The following LGALS3 variants were observed in gnomAD, a reference collection of about 807,000 sequenced individuals.
LGALS3 encodes galectin 3, also known as galectin-3.
In LGALS3, 18 loss-of-function variants were observed where a neutral mutation model predicts 20.7. The ratio of observed to expected loss-of-function variants is 0.87; its 90% CI spans 0.60 to 1.29. LGALS3 has a LOEUF of 1.29. Ranked by LOEUF, LGALS3 falls within the 50% of genes most tolerant of loss-of-function variation. LGALS3 has a pLI of 0.00. For synonymous variants in LGALS3, 112 were observed against 119.6 expected (o/e 0.94, Z 0.42); for missense variants, 315 against 314.7 (o/e 1.00, Z -0.01).
chr14:55,131,157 G>C (rs7157768), intron 1 of LGALS3, among the ~76,000 whole-genome samples: 10,067 of 152,170 alleles, frequency 0.066, 875 homozygotes, highest in African/African-American at 0.19. Flanking sequence ...TGAATATTTA[G>C]CACTTAGAAG....
intron 4 of LGALS3, among the ~76,000 whole-genome samples, chr14:55,141,922 G>A (rs1566783186): frequency 6.6e-6 from 1 of 152,256 alleles, no homozygotes; most frequent in African/African-American, 2.4e-5. Flanking sequence ...GTTAGTCAAA[G>A]AGGACTTGTG....
rs898159066 is a variant in LGALS3 at position 55,138,350 on chromosome 14, C to T, written c.324C>T (p.Gly108=). Residue 108 remains glycine, a synonymous_variant, in exon 3 of 6, where the codon GGC becomes GGT. Transcript: ENST00000254301. The part of the protein sequence containing the change: ...TGAYPATGPY[G]APAGPLIVPY... ...CCTACCCTGCCACTGGCCCCTATGG[C>T]GCCCCTGCTGGGCCACTGGTGAGAT... 4.3e-6 allele frequency: 7 copies of T among 1,612,642 alleles called. No homozygotes were observed. Among genetic ancestry groups the T allele is most frequent in the South Asian group, 3.3e-5 (3 of 91,076 alleles).
At chr14:55,138,470 C>A in intron 3 of LGALS3, 102 bp downstream of exon 3, 1 of 1,241,676 alleles carries the variant, frequency 8.1e-7, no homozygotes, top group Non-Finnish European at 1.2e-6. Context: ...AAGGGCCAGC[C>A]ATGGGTGTAT....
chr14:55,142,644 T>C lies in LGALS3; in HGVS notation c.492T>C (p.Asn164=). 6.2e-7 allele frequency: 1 copy of C among 1,613,602 alleles called. No individual in the cohort carries two copies. The highest frequency in any genetic ancestry group is 8.5e-7 in the Non-Finnish European group (1 of 1,179,508). Residue 164 remains asparagine (N), a synonymous_variant, in exon 5 of 6, where the codon AAT becomes AAC. Transcript: ENST00000254301. Reference sequence around the variant, plus strand: ...CCTTCCACTTTAACCCACGCTTCAATGAGAACAACAGGAGAGTCATTGTTT... The same window carrying C: ...CCTTCCACTTTAACCCACGCTTCAACGAGAACAACAGGAGAGTCATTGTTT... The part of the protein sequence containing the change: ...DVAFHFNPRF[N]ENNRRVIVCN...
chr14:55,137,595 G>A (rs1881447385), intron 2 of LGALS3: 10 of 1,470,776 alleles, frequency 6.8e-6, no homozygotes, highest in Admixed American at 2.6e-5. Flanking sequence ...GCGAGGCCTG[G>A]GACTCACTCA....
chr14:55,138,031 GTCTT>G lies in LGALS3; in HGVS notation c.19-7_19-4del, dbSNP rs1881466437. The stretch of plus-strand genomic sequence containing the variant: ...TGCTTTCTGTCCCGTAATTGTGTAT[GTCTT>G]TCTTTCCAGCTCCATGATGCGTTAT... On this transcript the variant is annotated splice_polypyrimidine_tract_variant and intron_variant, in intron 2 of 5. Coordinates refer to ENST00000254301, the MANE Select transcript of LGALS3 (RefSeq NM_002306.4). 1.3e-6 allele frequency: 2 copies of G among 1,490,956 alleles called. No homozygotes were observed. Among genetic ancestry groups the G allele is most frequent in the South Asian group, 1.5e-5 (1 of 67,468 alleles). The allele number at this position is 1,490,956 out of a possible 1,614,324, so 92.4% of individuals were successfully genotyped here. A position where few individuals can be genotyped will look rare whatever the true frequency, so the allele number is the denominator to read the frequency against.
intron 4 of LGALS3, among the ~76,000 whole-genome samples, chr14:55,141,621 G>T (rs1171031992): frequency 6.6e-6 from 1 of 152,090 alleles, no homozygotes; most frequent in East Asian, 1.9e-4. Context: ...AAAAACTGTT[G>T]CTTAGTCCTG....
chr14:55,136,651 TTG>T (rs1881404105), intron 1 of LGALS3, among the ~76,000 whole-genome samples: 1 of 152,248 alleles, frequency 6.6e-6, no homozygotes, highest in Non-Finnish European at 1.5e-5. Flanking sequence ...TCTCATTTAT[TTG>T]TGTTACAAAC....
At chr14:55,134,352 C>G (rs894323670) in intron 1 of LGALS3, among the ~76,000 whole-genome samples, 4 of 152,188 alleles carry the variant, frequency 2.6e-5, no homozygotes, top group African/African-American at 7.2e-5. Flanking sequence ...GTCAGTGGTG[C>G]TGAGGTTCAC....
chr14:55,135,950 A>C (rs1481144071), intron 1 of LGALS3, among the ~76,000 whole-genome samples: 1 of 152,182 alleles, frequency 6.6e-6, no homozygotes, highest in African/African-American at 2.4e-5. Flanking sequence ...AGTAAATATC[A>C]CAGGTGGGCA....
intron 4 of LGALS3, 40 bp from the exon 5 acceptor site, chr14:55,142,544 G>T (rs566387316): frequency 1.3e-6 from 2 of 1,541,394 alleles, no homozygotes; most frequent in South Asian, 1.1e-5. Flanking sequence ...CAAATGTACA[G>T]CTTTAATCAT....
intron 5 of LGALS3, among the ~76,000 whole-genome samples, chr14:55,144,385 C>T (rs1449856008): frequency 6.6e-6 from 1 of 152,212 alleles, no homozygotes; most frequent in Non-Finnish European, 1.5e-5. Flanking sequence ...GGCTCAAGAT[C>T]CGCCCGCCTT....
intron 1 of LGALS3, among the ~76,000 whole-genome samples, chr14:55,134,624 T>C (rs534177895): frequency 2.6e-5 from 4 of 152,214 alleles, no homozygotes; most frequent in Non-Finnish European, 5.9e-5. Flanking sequence ...TAGCAACTTA[T>C]ACGGTTTCTT....
Position 55,142,692 on chromosome 14 carries a change from C to A in LGALS3, c.540C>A (p.Asn180Lys). The A allele has an allele frequency of 2.5e-6, 4 of 1,613,882 alleles. No homozygotes were observed. The highest frequency in any genetic ancestry group is 3.4e-6 in the Non-Finnish European group (4 of 1,179,796). Residue 180 changes from asparagine (N) to lysine (K), a missense_variant, in exon 5 of 6, where the codon AAC (asparagine) becomes AAA (lysine). Physicochemically the swap from Asn to Lys is moderately conservative, Grantham distance 94. Coordinates refer to ENST00000254301, the MANE Select transcript of LGALS3 (RefSeq NM_002306.4). ...TTTGCAATACAAAGCTGGATAATAA[C>A]TGGGGAAGGGAAGAAAGACAGTCGG... is the stretch of plus-strand genomic sequence containing the variant. ...VIVCNTKLDN[N>K]WGREERQSVF...
rs1182564348 is a variant in LGALS3, at chr14:55,136,617, T to C, written c.-4-753T>C. On this transcript the variant is annotated intron_variant, in intron 1 of 5. Coordinates refer to ENST00000254301, the MANE Select transcript of LGALS3 (RefSeq NM_002306.4). ...AGGTATGCAATGCCTAATAATCACA[T>C]CATGGAAAATGGGGTATCCCTCTTC... Among the ~76,000 whole-genome samples, 4 of 152,144 alleles carry C rather than the reference T, an allele frequency of 2.6e-5. No individual in the cohort carries two copies. The East Asian group carries it at 7.7e-4, about 29-fold the overall frequency.
In LGALS3 at chr14:55,129,578, C is replaced by T. The variant is rs1489769620; in HGVS notation, c.-5+278C>T. 6.6e-6 allele frequency among the ~76,000 whole-genome samples: 1 copy of T among 152,176 alleles called. No individual in the cohort carries two copies. Among genetic ancestry groups the T allele is most frequent in the Non-Finnish European group, 1.5e-5 (1 of 68,018 alleles). On this transcript the variant is annotated intron_variant, in intron 1 of 5. Coordinates refer to ENST00000254301, the MANE Select transcript of LGALS3 (RefSeq NM_002306.4). This position sits in a 1 kb window ranked among gnomAD's most constrained non-coding sequence, Gnocchi z 5.3. ...ACACACGTCCCCGGGGCGGCACGGG[C>T]CACCTTCTGCGGAGCCTCGTGGGCT...
At chr14:55,130,051 T>C (rs966692957) in intron 1 of LGALS3, among the ~76,000 whole-genome samples, 3 of 152,190 alleles carry the variant, frequency 2.0e-5, no homozygotes, top group African/African-American at 7.2e-5. Flanking sequence ...TTGCAAAGAC[T>C]GCAAACTCTA....
chr14:55,133,825 GCCTT>G (rs1566780322), intron 1 of LGALS3, among the ~76,000 whole-genome samples: 1 of 152,164 alleles, frequency 6.6e-6, no homozygotes, highest in African/African-American at 2.4e-5. Flanking sequence ...TTATGGAAAT[GCCTT>G]CTTTATTTGA....
At chr14:55,140,050 G>A (rs1288485209) in intron 3 of LGALS3, among the ~76,000 whole-genome samples, 2 of 150,476 alleles carry the variant, frequency 1.3e-5, no homozygotes, top group Non-Finnish European at 2.9e-5. Context: ...TGGGATGGCC[G>A]TAGTAATGAG....
Sources: gnomAD v4.1 joint callset for allele counts (sites outside exome capture counted in the v4.1 genomes callset) on GRCh38, gnomAD v4.1.1 for gene constraint, Gnocchi (gnomAD v3.1) non-coding constraint, MANE v1.5 for transcripts, NCBI Gene and HGNC (gene_info 2026-07-23, HGNC 2026-07-21) for gene names.